Variants in DSCAM observed in about 807,000 individuals in gnomAD.
The protein encoded by DSCAM is cell adhesion molecule DSCAM.
A neutral mutation model predicts 217.7 loss-of-function variants in DSCAM; 47 were observed. That is an observed-to-expected ratio of 0.22 (90% confidence interval 0.17 to 0.28). The LOEUF is 0.28. Among genes scored for constraint, DSCAM ranks in the 10% least tolerant of loss-of-function variants. The pLI is 1.00. For missense variants in DSCAM, 2,080 were observed against 2,618.3 expected (o/e 0.79, Z 4.49); for synonymous variants, 1,056 against 1,015.3 (o/e 1.04, Z -0.76).
At chr21:40,438,883 C>G (rs537293509) in intron 3 of DSCAM, among the ~76,000 whole-genome samples, 1 of 152,162 alleles carries the variant, frequency 6.6e-6, no homozygotes, top group African/African-American at 2.4e-5. Context: ...CTGCCAATAT[C>G]GACATCTTAG....
chr21:40,165,295 G>A (rs534414179), intron 16 of DSCAM, among the ~76,000 whole-genome samples: 2 of 152,228 alleles, frequency 1.3e-5, no homozygotes, highest in East Asian at 1.9e-4. Flanking sequence ...TGTCCAATTC[G>A]ATTGAATCAG....
intron 22 of DSCAM, among the ~76,000 whole-genome samples, chr21:40,086,285 C>T (rs953899171): frequency 1.4e-4 from 21 of 152,218 alleles, no homozygotes; most frequent in Admixed American, 6.5e-5. Flanking sequence ...ACTGCGTGGC[C>T]ATCATAACCA....
At chr21:40,378,350 TA>T (rs1418092493) in intron 3 of DSCAM, among the ~76,000 whole-genome samples, 2 of 152,064 alleles carry the variant, frequency 1.3e-5, no homozygotes, top group Admixed American at 6.5e-5. Flanking sequence ...GTATGGGAAA[TA>T]AAAACCTCTA....
At chr21:40,251,845 TTTTC>T (rs1239442340) in intron 11 of DSCAM, among the ~76,000 whole-genome samples, 26 of 152,222 alleles carry the variant, frequency 1.7e-4, no homozygotes, top group Non-Finnish European at 2.9e-4. Context: ...GCATGTTTTC[TTTTC>T]TTTCTTTTTT....
At chr21:40,393,612 A>G (rs1358061401) in intron 3 of DSCAM, among the ~76,000 whole-genome samples, 1 of 152,198 alleles carries the variant, frequency 6.6e-6, no homozygotes, top group Non-Finnish European at 1.5e-5. Context: ...TATAAATCCC[A>G]CATAATTCCA....
At chr21:40,454,064 G>A (rs886603475) in intron 3 of DSCAM, among the ~76,000 whole-genome samples, 5 of 152,104 alleles carry the variant, frequency 3.3e-5, no homozygotes, top group South Asian at 4.2e-4. Context: ...GCAAACTTAC[G>A]GACTGAAACA....
chr21:40,537,408 A>G (rs2837691), intron 3 of DSCAM, among the ~76,000 whole-genome samples: 19,815 of 152,108 alleles, frequency 0.13, 2,837 homozygotes, highest in African/African-American at 0.35. Context: ...TGAGAAAACT[A>G]ACATTGTTTA....
intron 3 of DSCAM, among the ~76,000 whole-genome samples, chr21:40,566,490 C>G (rs1406752108): frequency 6.6e-6 from 1 of 152,192 alleles, no homozygotes; most frequent in East Asian, 1.9e-4. Flanking sequence ...CACAATTTAG[C>G]TTTTCACACC....
intron 3 of DSCAM, among the ~76,000 whole-genome samples, chr21:40,602,324 G>C (rs2077068604): frequency 6.6e-6 from 1 of 152,106 alleles, no homozygotes; most frequent in South Asian, 2.1e-4. Context: ...GCTTCTCAAA[G>C]TGCTGAGATC....
chr21:40,315,765 G>A (rs78499961), intron 8 of DSCAM, among the ~76,000 whole-genome samples: 2,051 of 152,256 alleles, frequency 0.013, 20 homozygotes, highest in Non-Finnish European at 0.023. Context: ...TCACTCCAAG[G>A]ATAATCCCTT....
chr21:40,037,572 G>T (rs990730004), intron 32 of DSCAM, among the ~76,000 whole-genome samples: 1 of 149,008 alleles, frequency 6.7e-6, no homozygotes, highest in East Asian at 1.9e-4. Context: ...AATTAATATC[G>T]TGAAAATGGC....
At chr21:40,229,731 T>A (rs767618636) in intron 11 of DSCAM, among the ~76,000 whole-genome samples, 2 of 152,236 alleles carry the variant, frequency 1.3e-5, no homozygotes, top group Non-Finnish European at 2.9e-5. Flanking sequence ...AACAAAAGTT[T>A]GTATTTATTC....
intron 3 of DSCAM, among the ~76,000 whole-genome samples, chr21:40,657,995 T>C (rs894764854): frequency 6.6e-6 from 1 of 152,102 alleles, no homozygotes; most frequent in Admixed American, 6.5e-5. Flanking sequence ...TGGAAAGAAA[T>C]TGGCCAGGTA....
At chr21:40,484,124 T>C (rs1396819817) in intron 3 of DSCAM, among the ~76,000 whole-genome samples, 1 of 152,154 alleles carries the variant, frequency 6.6e-6, no homozygotes, top group African/African-American at 2.4e-5. Flanking sequence ...CTTCAGCAGG[T>C]TCCCCACCTA....
chr21:40,645,997 G>T (rs1188455603), intron 3 of DSCAM, among the ~76,000 whole-genome samples: 1 of 152,120 alleles, frequency 6.6e-6, no homozygotes, highest in African/African-American at 2.4e-5. Flanking sequence ...TAAATGAAAA[G>T]ATACCGTTCT....
intron 11 of DSCAM, among the ~76,000 whole-genome samples, chr21:40,214,735 C>CAAAAAAAAAAAAAAAAAAAAAACAAAAAA (rs1209648217): frequency 1.5e-5 from 1 of 67,862 alleles, no homozygotes. Flanking sequence ...GCAACAACAG[C>CAAAAAAAAAAAAAAAAAAAAAACAAAAAA]AAAAAAAAAA....
At chr21:40,194,882 G>A (rs8127634) in intron 11 of DSCAM, among the ~76,000 whole-genome samples, 73,200 of 151,852 alleles carry the variant, frequency 0.48, 18,429 homozygotes, top group African/African-American at 0.63. Flanking sequence ...TGAAATTGGC[G>A]AGTGCTAGAA....
At chr21:40,272,628 A>G (rs1460298527) in intron 11 of DSCAM, among the ~76,000 whole-genome samples, 1 of 152,194 alleles carries the variant, frequency 6.6e-6, no homozygotes, top group East Asian at 1.9e-4. Flanking sequence ...CCCCAGAAGC[A>G]GGTCCTATCC....
chr21:40,633,090 T>C (rs182385076), intron 3 of DSCAM, among the ~76,000 whole-genome samples: 1 of 152,340 alleles, frequency 6.6e-6, no homozygotes, highest in East Asian at 1.9e-4. Flanking sequence ...AAACCCCCTT[T>C]AGGTTGTTTA....
Sources: allele counts gnomAD v4.1 joint callset (sites outside exome capture counted in the v4.1 genomes callset), GRCh38; gene constraint gnomAD v4.1.1; transcripts MANE v1.5; gene names NCBI Gene and HGNC (gene_info 2026-07-23, HGNC 2026-07-21).